The following ENAH variants were observed in gnomAD, a reference collection of about 807,000 sequenced individuals.
ENAH encodes protein enabled homolog.
In ENAH, 23 loss-of-function variants were observed where a neutral mutation model predicts 78.7. The observed-to-expected ratio is 0.29, with a 90% CI of 0.21 to 0.41. ENAH has a LOEUF of 0.41. Among genes scored for constraint, ENAH ranks in the 10% least tolerant of loss-of-function variants. ENAH has a pLI of 1.00. For synonymous variants in ENAH, 226 were observed against 241.0 expected, an observed-to-expected ratio of 0.94 and a Z score of 0.58; for missense variants, 544 against 691.0, an observed-to-expected ratio of 0.79 and a Z score of 2.39.
At chr1:225,586,209 G>GCAC (rs1193801378) in intron 1 of ENAH, among the ~76,000 whole-genome samples, 1 of 127,460 alleles carries the variant, frequency 7.8e-6, no homozygotes, top group African/African-American at 3.0e-5. Flanking sequence ...AGCCGAGGTT[G>GCAC]CACCACTGCA....
chr1:225,637,823 C>A (rs139735187), intron 1 of ENAH, among the ~76,000 whole-genome samples: 1 of 151,936 alleles, frequency 6.6e-6, no homozygotes, highest in South Asian at 2.1e-4. Context: ...CTTAGGAAGC[C>A]GAGGTGCAAG....
intron 1 of ENAH, among the ~76,000 whole-genome samples, chr1:225,630,316 T>C (rs1339156007): frequency 1.3e-5 from 2 of 152,084 alleles, no homozygotes; most frequent in African/African-American, 4.8e-5. Flanking sequence ...AGCATAATAG[T>C]TGAGAGCACA....
intron 3 of ENAH, among the ~76,000 whole-genome samples, chr1:225,539,568 C>G (rs974994235): frequency 2.0e-5 from 3 of 152,146 alleles, no homozygotes; most frequent in African/African-American, 7.2e-5. Flanking sequence ...GCCAGTGATA[C>G]TTTAATAATT....
Position 225,487,121 on chromosome 1 carries a change from T to C in ENAH, c.*10654A>G, listed in dbSNP as rs2096204239. The C allele has an allele frequency of 6.6e-6, 1 of 152,414 alleles. No individual in the cohort carries two copies. The highest frequency in any genetic ancestry group is 2.4e-5 in the African/African-American group (1 of 41,468). 9.4% of individuals were successfully genotyped at this position (152,414 alleles called of 1,614,324 possible). On this transcript the variant is annotated 3_prime_UTR_variant, in exon 14 of 14. Transcript: ENST00000366843. ...ACATTCTAGACACATGTCATGCACA[T>C]ACAGGTTACACTTTATGGTTACATG...
intron 3 of ENAH, among the ~76,000 whole-genome samples, chr1:225,536,814 T>C (rs1255607157): frequency 3.9e-5 from 6 of 151,966 alleles, no homozygotes; most frequent in Non-Finnish European, 1.5e-5. Flanking sequence ...CAAAATAAGA[T>C]TGATAAATGT....
At chr1:225,567,467 G>C in intron 1 of ENAH, 53 bp from the exon 2 acceptor site, 1 of 1,546,636 alleles carries the variant, frequency 6.5e-7, no homozygotes, top group East Asian at 2.3e-5. Flanking sequence ...AATATGCTAA[G>C]TGTTCCACAT....
chr1:225,555,148 T>C (rs2096659876), intron 2 of ENAH, 65 bp from the exon 3 acceptor site: 3 of 1,359,678 alleles, frequency 2.2e-6, no homozygotes, highest in Non-Finnish European at 3.0e-6. Context: ...TGTCAACAAA[T>C]GCTGATTGTA....
intron 3 of ENAH, among the ~76,000 whole-genome samples, chr1:225,550,431 C>A (rs896450445): frequency 2.6e-5 from 4 of 152,230 alleles, no homozygotes; most frequent in Admixed American, 2.0e-4. Flanking sequence ...ATAAAAAATA[C>A]GCTTTACTGA....
At chr1:225,531,133 A>T in intron 3 of ENAH, 1 of 398,096 alleles carries the variant, frequency 2.5e-6, no homozygotes, top group Non-Finnish European at 4.4e-6. Context: ...AGCATTTATC[A>T]AATTTGCCCA....
intron 1 of ENAH, among the ~76,000 whole-genome samples, chr1:225,596,383 G>A (rs970616387): frequency 6.6e-6 from 1 of 152,158 alleles, no homozygotes; most frequent in African/African-American, 2.4e-5. Flanking sequence ...CAGGACTCAA[G>A]TTGAGTTTAG....
chr1:225,487,087 T>C lies in ENAH; in HGVS notation c.*10688A>G, dbSNP rs531379536. The C allele has an allele frequency of 2.6e-5, 4 of 152,718 alleles. No homozygotes were observed. In the South Asian group the frequency reaches 8.3e-4, roughly 32 times the overall value. 9.5% of individuals were successfully genotyped at this position (152,718 alleles called of 1,614,324 possible). A position where few individuals can be genotyped will look rare whatever the true frequency, so the allele number is the denominator to read the frequency against. On this transcript the variant is annotated 3_prime_UTR_variant, in exon 14 of 14. Coordinates refer to ENST00000366843, the MANE Select transcript of ENAH (RefSeq NM_018212.6). ...GGCCAGGCCCCTTCCTGCTGAATCC[T>C]AACTTTACACATTCTAGACACATGT... is the stretch of plus-strand genomic sequence containing the variant.
chr1:225,652,710 C>T lies in ENAH; in HGVS notation c.-20G>A. The T allele has an allele frequency of 7.6e-7, 1 of 1,319,758 alleles. No homozygotes were observed. Among genetic ancestry groups the T allele is most frequent in the Non-Finnish European group, 9.6e-7 (1 of 1,036,846 alleles). 81.8% of individuals were successfully genotyped at this position (1,319,758 alleles called of 1,614,324 possible). A position where few individuals can be genotyped will look rare whatever the true frequency, so the allele number is the denominator to read the frequency against. On this transcript the variant is annotated 5_prime_UTR_variant, in exon 1 of 14. Coordinates refer to ENST00000366843, the MANE Select transcript of ENAH (RefSeq NM_018212.6). ...CCTCATGGTGCCGGCGGCGCAGAGGCTTCCCCACCAGCCGGGAGACGCAGA... is the reference window on the plus strand; with the variant it reads ...CCTCATGGTGCCGGCGGCGCAGAGGTTTCCCCACCAGCCGGGAGACGCAGA...
intron 1 of ENAH, among the ~76,000 whole-genome samples, chr1:225,637,670 A>G (rs1265890990): frequency 6.6e-6 from 1 of 152,184 alleles, no homozygotes; most frequent in East Asian, 1.9e-4. Flanking sequence ...TTCATCTTAA[A>G]TTATAAACAT....
intron 1 of ENAH, among the ~76,000 whole-genome samples, chr1:225,576,164 G>C (rs1205929881): frequency 6.6e-6 from 1 of 151,408 alleles, no homozygotes; most frequent in Non-Finnish European, 1.5e-5. Flanking sequence ...GTAGTCTTAA[G>C]TACTTGGGAG....
intron 4 of ENAH, among the ~76,000 whole-genome samples, chr1:225,526,718 T>C (rs958744373): frequency 6.6e-6 from 1 of 152,200 alleles, no homozygotes; most frequent in African/African-American, 2.4e-5. Flanking sequence ...GAATGATCCA[T>C]TTAAAATAAC....
In ENAH at chr1:225,486,851, T is replaced by C. The variant is rs976171166; in HGVS notation, c.*10924A>G. The stretch of plus-strand genomic sequence containing the variant: ...TCATTTGAATTAAGTATTTCATGTT[T>C]TTATTTCAAAAGAAAAAAGGATACC... On this transcript the variant is annotated 3_prime_UTR_variant, in exon 14 of 14. Transcript: ENST00000366843. The C allele has an allele frequency of 6.5e-6, 1 of 152,706 alleles. No individual in the cohort carries two copies. Among genetic ancestry groups the C allele is most frequent in the African/African-American group, 2.4e-5 (1 of 41,472 alleles). 9.5% of individuals were successfully genotyped at this position (152,706 alleles called of 1,614,324 possible). A position where few individuals can be genotyped will look rare whatever the true frequency, so the allele number is the denominator to read the frequency against.
chr1:225,583,774 C>T (rs1258406763), intron 1 of ENAH, among the ~76,000 whole-genome samples: 1 of 149,078 alleles, frequency 6.7e-6, no homozygotes, highest in Non-Finnish European at 1.5e-5. Context: ...CACCACTGCA[C>T]TCCAGCCTGG....
intron 4 of ENAH, among the ~76,000 whole-genome samples, chr1:225,526,272 A>AT (rs1317216015): frequency 1.3e-5 from 2 of 149,458 alleles, no homozygotes; most frequent in Non-Finnish European, 3.0e-5. Flanking sequence ...TTTTAGGACT[A>AT]TTTTCAGAGA....
At chr1:225,590,625 C>T (rs2096871042) in intron 1 of ENAH, among the ~76,000 whole-genome samples, 1 of 151,904 alleles carries the variant, frequency 6.6e-6, no homozygotes, top group African/African-American at 2.4e-5. Context: ...TGAAGGATAC[C>T]AAAACCATAC....
Sources: gnomAD v4.1 joint callset for allele counts (sites outside exome capture counted in the v4.1 genomes callset) on GRCh38, gnomAD v4.1.1 for gene constraint, MANE v1.5 for transcripts, NCBI Gene and HGNC (gene_info 2026-07-23, HGNC 2026-07-21) for gene names.